CIMAP2: variants seen among roughly 807,000 people sequenced by gnomAD.
CIMAP2 encodes the protein ciliary microtubule associated protein 2, also known as ciliary microtubule-associated protein 2.
chr1:54,819,940 TTTCTGTCC>T, the CIMAP2 span, among the ~76,000 whole-genome samples: 1 of 131,012 alleles, frequency 7.6e-6, no homozygotes, highest in East Asian at 2.7e-4. Flanking sequence ...ATTTCTTTTC[TTTCTGTCC>T]TTCTTTCTTT....
chr1:54,825,689 G>A, the CIMAP2 span, among the ~76,000 whole-genome samples: 1 of 152,130 alleles, frequency 6.6e-6, no homozygotes, highest in East Asian at 1.9e-4. Flanking sequence ...CAGGTGATAT[G>A]TTTGGGTGCT....
chr1:54,812,245 T>C, the CIMAP2 span: 2 of 1,605,496 alleles, frequency 1.2e-6, no homozygotes, highest in Non-Finnish European at 1.7e-6. Context: ...ATGACAGGCC[T>C]CACTAGTCAG....
At chr1:54,841,033 C>T in the CIMAP2 span, among the ~76,000 whole-genome samples, 7 of 152,096 alleles carry the variant, frequency 4.6e-5, no homozygotes, top group African/African-American at 1.7e-4. Context: ...GGCCAGGGGC[C>T]GTGGGCATGG....
chr1:54,807,814 A>G, the CIMAP2 span: 1 of 1,517,818 alleles, frequency 6.6e-7, no homozygotes, highest in Non-Finnish European at 8.8e-7. Flanking sequence ...AAGGAACACC[A>G]TCGTGCCTTG....
chr1:54,811,733 A>T, the CIMAP2 span: 1 of 1,429,142 alleles, frequency 7.0e-7, no homozygotes, highest in Non-Finnish European at 9.7e-7. Context: ...TCTGTTCCTC[A>T]GGCACACTCA....
chr1:54,839,051 G>A, the CIMAP2 span, among the ~76,000 whole-genome samples: 2,253 of 152,216 alleles, frequency 0.015, 81 homozygotes, highest in African/African-American at 0.052. Context: ...TAGTACAATC[G>A]CAAAATAGGA....
At chr1:54,835,788 G>A in the CIMAP2 span, among the ~76,000 whole-genome samples, 2 of 152,070 alleles carry the variant, frequency 1.3e-5, no homozygotes, top group Non-Finnish European at 2.9e-5. Flanking sequence ...TTACAGGGCA[G>A]CCTGAGAAGA....
the CIMAP2 span, chr1:54,811,768 T>TGCATGCCCCCCCCCCCCCC: frequency 9.4e-6 from 5 of 533,352 alleles, no homozygotes; most frequent in South Asian, 1.4e-5. Context: ...TCTGACAGCC[T>TGCATGCCCCCCCCCCCCCC]CCATGCCCCC....
the CIMAP2 span, among the ~76,000 whole-genome samples, chr1:54,814,383 A>G: frequency 6.6e-6 from 1 of 152,158 alleles, no homozygotes; most frequent in Admixed American, 6.5e-5. Context: ...GCTCCGCCCA[A>G]GGGAGTGGTG....
the CIMAP2 span, chr1:54,814,800 G>A: frequency 6.8e-7 from 1 of 1,475,916 alleles, no homozygotes; most frequent in Non-Finnish European, 9.2e-7. Context: ...CTTGGCTCAA[G>A]ACCCAGGGCT....
the CIMAP2 span, among the ~76,000 whole-genome samples, chr1:54,825,372 T>C: frequency 6.6e-6 from 1 of 152,098 alleles, no homozygotes; most frequent in African/African-American, 2.4e-5. Flanking sequence ...TACCTGTAGA[T>C]GCATATATAG....
the CIMAP2 span, chr1:54,806,080 G>T: frequency 2.0e-6 from 3 of 1,489,868 alleles, no homozygotes; most frequent in South Asian, 1.3e-5. Flanking sequence ...CCGGGTTGCC[G>T]TGGCAGCAGC....
chr1:54,811,765 G>GCCGGGGGGGGGGGGCGCCCCCCCCCCC, the CIMAP2 span: 1 of 1,301,332 alleles, frequency 7.7e-7, no homozygotes, highest in Non-Finnish European at 1.1e-6. Context: ...GGTTCTGACA[G>GCCGGGGGGGGGGGGCGCCCCCCCCCCC]CCTCCATGCC....
At chr1:54,836,283 GCC>G in the CIMAP2 span, among the ~76,000 whole-genome samples, 1 of 66 alleles carries the variant, frequency 0.015, no homozygotes, top group African/African-American at 0.062. Context: ...CTACCTGCCC[GCC>G]TGCCTGCCTG....
At chr1:54,814,965 G>C in the CIMAP2 span, 1 of 1,614,164 alleles carries the variant, frequency 6.2e-7, no homozygotes, top group Non-Finnish European at 8.5e-7. Context: ...ATGCAAACCC[G>C]TCAACCAGCC....
the CIMAP2 span, among the ~76,000 whole-genome samples, chr1:54,824,789 ACTT>A: frequency 3.3e-5 from 5 of 151,216 alleles, no homozygotes; most frequent in Non-Finnish European, 7.4e-5. Flanking sequence ...TGTTTTCCTG[ACTT>A]CTTTGTAATT....
chr1:54,823,386 A>G, the CIMAP2 span, among the ~76,000 whole-genome samples: 1 of 151,568 alleles, frequency 6.6e-6, no homozygotes, highest in African/African-American at 2.4e-5. Flanking sequence ...TGATATAAGT[A>G]TAGCTACTCC....
At chr1:54,827,394 G>A in the CIMAP2 span, among the ~76,000 whole-genome samples, 3 of 152,284 alleles carry the variant, frequency 2.0e-5, no homozygotes, top group South Asian at 6.2e-4. Flanking sequence ...TTTAAGGAAG[G>A]GAAGGGTGCC....
the CIMAP2 span, among the ~76,000 whole-genome samples, chr1:54,818,490 A>G: frequency 6.6e-6 from 1 of 151,052 alleles, no homozygotes; most frequent in African/African-American, 2.4e-5. Context: ...AATTTTGGCT[A>G]TCATATTTTT....
Sources: allele counts gnomAD v4.1 joint callset (sites outside exome capture counted in the v4.1 genomes callset), GRCh38; gene constraint gnomAD v4.1.1; transcripts MANE v1.5; gene names NCBI Gene and HGNC (gene_info 2026-07-23, HGNC 2026-07-21).